Variants in FOXP4 observed in about 807,000 individuals in gnomAD.
FOXP4 encodes the protein forkhead box P4.
FOXP4 carries 25 observed loss-of-function variants against 82.6 expected under a neutral mutation model. That is an observed-to-expected ratio of 0.30 (90% CI 0.22 to 0.42). The LOEUF is 0.42. FOXP4 is among the 10% of genes least tolerant of loss of function. The pLI is 1.00. For missense variants in FOXP4, 785 were observed against 900.9 expected (o/e 0.87, Z 1.65); for synonymous variants, 415 against 388.2 (o/e 1.07, Z -0.81).
At chr6:41,590,202 G>T in intron 11 of FOXP4, 32 bp downstream of exon 11, 1 of 1,606,768 alleles carries the variant, frequency 6.2e-7, no homozygotes, top group Non-Finnish European at 8.5e-7. Context: ...CAGGGCGACA[G>T]CAGCGTGAGG....
rs891859063 is a variant in FOXP4 at position 41,572,900 on chromosome 6, A to G, written c.205-5086A>G. On this transcript the variant is annotated intron_variant, in intron 2 of 16. Coordinates refer to ENST00000307972, the MANE Select transcript of FOXP4 (RefSeq NM_001012426.2). ...TGGGCAAATCATTGCCCATCTCTGG[A>G]TCTCTGTTTCTCCATCTATCAGTGA... Among the ~76,000 whole-genome samples the G allele has an allele frequency of 3.3e-5, 5 of 152,038 alleles. 1 individual carries two copies. Among genetic ancestry groups the G allele is most frequent in the Admixed American group, 3.3e-4 (5 of 15,272 alleles).
At position 41,587,573 on chromosome 6, in the gene FOXP4, C is replaced by G. The variant is rs537591559; in HGVS notation, c.872+61C>G. On this transcript the variant is annotated intron_variant, in intron 7 of 16. Transcript: ENST00000307972. ...CTGCCTGGGGGTAGACCTGGCCCCC[C>G]ACCCATGAGGGCTGACTGTGAGGGA... The G allele has an allele frequency of 1.0e-4, 136 of 1,352,194 alleles. 3 individuals carry two copies. In the East Asian group the frequency reaches 1.2e-3, roughly 12 times the overall value. 83.8% of individuals were successfully genotyped at this position (1,352,194 alleles called of 1,614,324 possible).
intron 5 of FOXP4, among the ~76,000 whole-genome samples, chr6:41,586,418 TG>T (rs1766123213): frequency 6.6e-6 from 1 of 151,564 alleles, no homozygotes; most frequent in African/African-American, 2.4e-5. Context: ...ACTGAATGGG[TG>T]GGGGTAGGTA....
chr6:41,589,703 A>C (rs1766374674), intron 9 of FOXP4, 68 bp from the exon 10 acceptor site: 9 of 1,495,696 alleles, frequency 6.0e-6, no homozygotes, highest in Middle Eastern at 4.7e-4. Context: ...CTGGCGGTGG[A>C]GGGGTGGGAC....
intron 8 of FOXP4, among the ~76,000 whole-genome samples, chr6:41,588,417 G>A (rs565045672): frequency 3.3e-5 from 5 of 152,350 alleles, no homozygotes; most frequent in Admixed American, 6.5e-5. Flanking sequence ...TAGTTCATTT[G>A]CAATTAGATC....
rs367628227 is a variant in FOXP4 at position 41,587,309 on chromosome 6, C to G, written c.669C>G (p.Cys223Trp). 9 of 1,612,820 alleles carry G rather than the reference C, an allele frequency of 5.6e-6. No homozygotes were observed. Among genetic ancestry groups the G allele is most frequent in the Non-Finnish European group, 7.6e-6 (9 of 1,179,822 alleles). ...CTGTCTCTCCCACAGCAGCTGTTTG[C>G]CCAACAGACCTGCCCCAGCTGTGGA... Reference protein sequence around the residue: ...PLQTLPQAAVCPTDLPQLWKG... With the variant: ...PLQTLPQAAVWPTDLPQLWKG... The change falls in exon 7 of 17, where the codon TGC becomes TGG. Residue 223 changes from cysteine (C) to tryptophan (W), a missense_variant. Cys to Trp is a radical substitution (Grantham distance 215). Coordinates refer to ENST00000307972, the MANE Select transcript of FOXP4 (RefSeq NM_001012426.2).
intron 3 of FOXP4, among the ~76,000 whole-genome samples, chr6:41,584,085 T>A (rs145739267): frequency 6.6e-6 from 1 of 152,288 alleles, no homozygotes; most frequent in Non-Finnish European, 1.5e-5. Context: ...TGCCTGCCAT[T>A]CTTCCCACCC....
intron 4 of FOXP4, 81 bp downstream of exon 4, chr6:41,584,972 G>A (rs1766021269): frequency 1.4e-6 from 2 of 1,474,228 alleles, no homozygotes; most frequent in Non-Finnish European, 1.8e-6. Context: ...CTCACCAAGG[G>A]CCCAAGCTGT....
At chr6:41,563,548 T>A (rs1292203835) in intron 1 of FOXP4, among the ~76,000 whole-genome samples, 1 of 152,190 alleles carries the variant, frequency 6.6e-6, no homozygotes, top group Non-Finnish European at 1.5e-5. Context: ...ACTGGCTGGC[T>A]TCCACGGGCC....
At chr6:41,569,496 TC>T (rs1431735689) in intron 2 of FOXP4, among the ~76,000 whole-genome samples, 1 of 152,222 alleles carries the variant, frequency 6.6e-6, no homozygotes, top group East Asian at 1.9e-4. Flanking sequence ...GGGGATTTTC[TC>T]AGGGACCCCA....
At chr6:41,588,124 G>C (rs4711677) in intron 8 of FOXP4, among the ~76,000 whole-genome samples, 1 of 151,916 alleles carries the variant, frequency 6.6e-6, no homozygotes, top group Non-Finnish European at 1.5e-5. Flanking sequence ...CATCCCCAGC[G>C]CAGGGTGCGG....
At chr6:41,567,573 T>C (rs1764953897) in intron 2 of FOXP4, among the ~76,000 whole-genome samples, 1 of 152,226 alleles carries the variant, frequency 6.6e-6, no homozygotes, top group South Asian at 2.1e-4. Context: ...AGCTCTTCCA[T>C]CTCTGTGACT....
chr6:41,556,740 T>C (rs1260603942), intron 1 of FOXP4, among the ~76,000 whole-genome samples: 1 of 152,162 alleles, frequency 6.6e-6, no homozygotes, highest in Non-Finnish European at 1.5e-5. Flanking sequence ...CACCCCTTAC[T>C]CCCTCCAGGC....
rs1766202469 is a variant in FOXP4 at position 41,587,386 on chromosome 6, G to A, written c.746G>A (p.Gly249Glu). 21 of 1,600,424 alleles carry A rather than the reference G, an allele frequency of 1.3e-5. No individual in the cohort carries two copies. The highest frequency in any genetic ancestry group is 1.8e-5 in the Non-Finnish European group (21 of 1,173,062). Residue 249 changes from glycine (G) to glutamate (E), a missense_variant, in exon 7 of 17, where the codon GGG becomes GAG. Transcript: ENST00000307972. ...QPAEDSVKQE[G>E]LDLTGTAATA... ...GCCGAGGACAGCGTCAAGCAGGAGG[G>A]GCTGGACCTCACTGGCACGGCCGCC...
intron 14 of FOXP4, among the ~76,000 whole-genome samples, chr6:41,595,611 A>AT (rs955242348): frequency 7.3e-5 from 11 of 151,648 alleles, no homozygotes; most frequent in African/African-American, 2.7e-4. Context: ...TTATTCATTT[A>AT]TTTTTTTTGA....
chr6:41,583,721 G>A (rs771509807), intron 3 of FOXP4, among the ~76,000 whole-genome samples: 4 of 152,214 alleles, frequency 2.6e-5, no homozygotes, highest in Non-Finnish European at 5.9e-5. Context: ...TGCTAATACA[G>A]GAACAAGACA....
intron 14 of FOXP4, among the ~76,000 whole-genome samples, chr6:41,595,834 C>G (rs1159177884): frequency 6.6e-6 from 1 of 152,216 alleles, no homozygotes; most frequent in Non-Finnish European, 1.5e-5. Flanking sequence ...GAATTCCCAA[C>G]TTCAGGTGAT....
chr6:41,547,281 G>T (rs1413478718), intron 1 of FOXP4, among the ~76,000 whole-genome samples: 4 of 152,112 alleles, frequency 2.6e-5, no homozygotes, highest in African/African-American at 4.8e-5. Context: ...CTGGGAATGG[G>T]GTGTACGGGG....
In FOXP4 at chr6:41,591,341, A is replaced by G. The variant is rs1456580730; in HGVS notation, c.1536+19A>G. The G allele has an allele frequency of 5.1e-6, 8 of 1,564,998 alleles. No homozygotes were observed. The highest frequency in any genetic ancestry group is 6.9e-6 in the Non-Finnish European group (8 of 1,151,496). On this transcript the variant is annotated intron_variant, in intron 13 of 16. Coordinates refer to ENST00000307972, the MANE Select transcript of FOXP4 (RefSeq NM_001012426.2). The surrounding 1 kb of genome is among the most constrained non-coding windows in gnomAD (Gnocchi z 4.2). Reference sequence around the variant, plus strand: ...CTGGAAGGTGAAGCAGGCCCCTTCCACCTTCTGGGCCCCAGTCACCCTTGG... The same window carrying G: ...CTGGAAGGTGAAGCAGGCCCCTTCCGCCTTCTGGGCCCCAGTCACCCTTGG...
Sources: gnomAD v4.1 joint callset for allele counts (sites outside exome capture counted in the v4.1 genomes callset) on GRCh38, gnomAD v4.1.1 for gene constraint, Gnocchi (gnomAD v3.1) non-coding constraint, MANE v1.5 for transcripts, NCBI Gene and HGNC (gene_info 2026-07-23, HGNC 2026-07-21) for gene names.